L2HGDH: variants seen among roughly 807,000 people sequenced by gnomAD.
L2HGDH encodes L-2-hydroxyglutarate dehydrogenase.
L2HGDH carries 34 observed loss-of-function variants against 51.5 expected under a neutral mutation model. That is an observed-to-expected ratio of 0.66 (90% CI 0.50 to 0.88). The LOEUF (loss-of-function observed/expected upper bound fraction) is 0.88. Ranked by LOEUF, L2HGDH falls within the 40% of genes least tolerant of loss-of-function variation. The pLI is 0.00. For missense variants in L2HGDH, 558 were observed against 571.9 expected (o/e 0.98, Z 0.25); for synonymous variants, 198 against 197.9 (o/e 1.00, Z -0.01).
rs1014400842 is a variant in L2HGDH at position 50,245,957 on chromosome 14, A to C, written c.*1101T>G. 1.5e-4 allele frequency: 42 copies of C among 281,870 alleles called. No individual in the cohort carries two copies. The highest frequency in any genetic ancestry group is 9.4e-4 in the African/African-American group (41 of 43,792). 17.5% of individuals were successfully genotyped at this position (281,870 alleles called of 1,614,324 possible). A position where few individuals can be genotyped will look rare whatever the true frequency, so the allele number is the denominator to read the frequency against. On this transcript the variant is annotated 3_prime_UTR_variant, in exon 10 of 10. Transcript: ENST00000267436. ...GCCAACATGGCAAAACCCCGTCTCT[A>C]CTAAAAATACAAAAAATTAGCCAGG...
intron 4 of L2HGDH, chr14:50,287,309 T>G: frequency 2.0e-6 from 2 of 984,810 alleles, no homozygotes; most frequent in Non-Finnish European, 2.4e-6. Flanking sequence ...CCTGTTCCGA[T>G]TTTTTCTCTT....
At chr14:50,293,111 TA>T (rs1021832172) in intron 4 of L2HGDH, 258 of 626,860 alleles carry the variant, frequency 4.1e-4, no homozygotes, top group South Asian at 8.5e-4. Flanking sequence ...AGAACCCATT[TA>T]AAAAAAAATG....
intron 3 of L2HGDH, chr14:50,300,014 T>C (rs1027052440): frequency 6.6e-6 from 1 of 151,970 alleles, no homozygotes; most frequent in East Asian, 1.9e-4. Flanking sequence ...TCTCAAAAAG[T>C]TGAACTCACA....
chr14:50,268,223 A>G (rs952774971), intron 7 of L2HGDH, among the ~76,000 whole-genome samples: 1 of 151,982 alleles, frequency 6.6e-6, no homozygotes, highest in Non-Finnish European at 1.5e-5. Flanking sequence ...TACTAAAAAT[A>G]CAAAAATTAG....
At chr14:50,264,208 G>C (rs1889209009) in intron 9 of L2HGDH, among the ~76,000 whole-genome samples, 1 of 151,698 alleles carries the variant, frequency 6.6e-6, no homozygotes, top group African/African-American at 2.4e-5. Flanking sequence ...GAGAAACCCT[G>C]TCTCTACTAA....
At position 50,245,607 on chromosome 14, in the gene L2HGDH, G is replaced by A. The variant is rs530515651; in HGVS notation, c.*1451C>T. Reference sequence around the variant, plus strand: ...TTAATTTCCAAATACAAATATTGTTGCTCTAAATAATGTGAGTTTTGTGAC... The same window carrying A: ...TTAATTTCCAAATACAAATATTGTTACTCTAAATAATGTGAGTTTTGTGAC... On this transcript the variant is annotated 3_prime_UTR_variant, in exon 10 of 10. Coordinates refer to ENST00000267436, the MANE Select transcript of L2HGDH (RefSeq NM_024884.3). 6.2e-6 allele frequency: 6 copies of A among 969,404 alleles called. No homozygotes were observed. In the East Asian group the frequency reaches 4.6e-4, roughly 74 times the overall value. The allele number at this position is 969,404 out of a possible 1,614,324, so 60.1% of individuals were successfully genotyped here.
At chr14:50,277,138 G>C (rs149140385) in intron 6 of L2HGDH, among the ~76,000 whole-genome samples, 134 of 152,128 alleles carry the variant, frequency 8.8e-4, no homozygotes, top group South Asian at 3.1e-3. Context: ...GATCTCAAAG[G>C]GGGAGTGTAA....
At position 50,294,110 on chromosome 14, in the gene L2HGDH, C is replaced by G. The variant is rs749654418; in HGVS notation, c.540+5G>C. ...AATAAAAACATCCCTTTGTTAATCA[C>G]TTACCCTACAATATGGCTCCTTCTT... On this transcript the variant is annotated splice_donor_5th_base_variant and intron_variant, in intron 4 of 9. Coordinates refer to ENST00000267436, the MANE Select transcript of L2HGDH (RefSeq NM_024884.3). 1 of 1,613,824 alleles carries G rather than the reference C, an allele frequency of 6.2e-7. No homozygotes were observed. Among genetic ancestry groups the G allele is most frequent in the South Asian group, 1.1e-5 (1 of 91,074 alleles).
intron 3 of L2HGDH, among the ~76,000 whole-genome samples, chr14:50,296,269 G>A (rs1260740935): frequency 6.6e-6 from 1 of 150,748 alleles, no homozygotes; most frequent in Non-Finnish European, 1.5e-5. Flanking sequence ...AGCTACTAGT[G>A]GGCTGAGGTG....
At chr14:50,255,334 AG>A (rs1251674794) in intron 9 of L2HGDH, among the ~76,000 whole-genome samples, 1 of 151,968 alleles carries the variant, frequency 6.6e-6, no homozygotes, top group Non-Finnish European at 1.5e-5. Context: ...CAGGAGTTCA[AG>A]ATCAGCCTGG....
At chr14:50,269,783 A>G (rs1889563051) in intron 6 of L2HGDH, among the ~76,000 whole-genome samples, 5 of 152,180 alleles carry the variant, frequency 3.3e-5, no homozygotes, top group Admixed American at 3.3e-4. Flanking sequence ...AATTCAATAT[A>G]CCAATCACAA....
chr14:50,257,057 T>C (rs1482564707), intron 9 of L2HGDH, among the ~76,000 whole-genome samples: 1 of 152,152 alleles, frequency 6.6e-6, no homozygotes, highest in African/African-American at 2.4e-5. Flanking sequence ...TGCCTCAGCC[T>C]CCCAAGTAGC....
chr14:50,270,543 T>C (rs1044832649), intron 6 of L2HGDH, among the ~76,000 whole-genome samples: 1 of 152,126 alleles, frequency 6.6e-6, no homozygotes, highest in African/African-American at 2.4e-5. Context: ...CCTCACTCTG[T>C]TGCCCAGGCT....
intron 9 of L2HGDH, among the ~76,000 whole-genome samples, chr14:50,262,371 A>G (rs1005435547): frequency 4.0e-5 from 6 of 150,996 alleles, no homozygotes; most frequent in Non-Finnish European, 7.4e-5. Flanking sequence ...CGGAGGTTGT[A>G]GTAAGCCGAC....
intron 9 of L2HGDH, among the ~76,000 whole-genome samples, chr14:50,256,613 T>G (rs1888681469): frequency 6.6e-6 from 1 of 152,126 alleles, no homozygotes; most frequent in African/African-American, 2.4e-5. Flanking sequence ...ACATTTACAT[T>G]TACTGTAATT....
At chr14:50,247,610 A>G (rs554963767) in intron 9 of L2HGDH, among the ~76,000 whole-genome samples, 1 of 152,372 alleles carries the variant, frequency 6.6e-6, no homozygotes, top group East Asian at 1.9e-4. Flanking sequence ...TTTATTATAA[A>G]AATCAATCAA....
intron 5 of L2HGDH, chr14:50,282,328 C>T (rs1890320283): frequency 5.0e-6 from 2 of 398,408 alleles, no homozygotes; most frequent in East Asian, 1.4e-4. Context: ...CTGCAATTAC[C>T]TTGGTGTCCT....
chr14:50,259,681 A>T (rs1022830033), intron 9 of L2HGDH, among the ~76,000 whole-genome samples: 6 of 151,742 alleles, frequency 4.0e-5, no homozygotes, highest in Non-Finnish European at 7.4e-5. Context: ...TAGGGAAAAA[A>T]AAATCAGCCA....
At chr14:50,262,442 A>G (rs1889087497) in intron 9 of L2HGDH, among the ~76,000 whole-genome samples, 1 of 151,984 alleles carries the variant, frequency 6.6e-6, no homozygotes, top group Admixed American at 6.6e-5. Context: ...AAAAAAAAAA[A>G]AAAGTCTATT....
Sources: allele counts gnomAD v4.1 joint callset (sites outside exome capture counted in the v4.1 genomes callset), GRCh38; gene constraint gnomAD v4.1.1; transcripts MANE v1.5; gene names NCBI Gene and HGNC (gene_info 2026-07-23, HGNC 2026-07-21).